RELN: variants seen among roughly 807,000 people sequenced by gnomAD.
The protein encoded by RELN is reelin.
In RELN, 108 loss-of-function variants were observed where a neutral mutation model predicts 427.6. The ratio of observed to expected loss-of-function variants is 0.25; its 90% CI spans 0.22 to 0.30. The LOEUF is 0.30. Ranked by LOEUF, RELN falls within the 10% of genes least tolerant of loss-of-function variation. The pLI, the probability that RELN is intolerant of heterozygous loss-of-function variation, is 1.00. For synonymous variants in RELN, 1,524 were observed against 1,513.4 expected (o/e 1.01, Z -0.16); for missense variants, 3,715 against 4,302.8 (o/e 0.86, Z 3.82).
chr7:103,714,747 G>A (rs1789895546), intron 8 of RELN, among the ~76,000 whole-genome samples: 1 of 152,136 alleles, frequency 6.6e-6, no homozygotes, highest in Admixed American at 6.5e-5. Context: ...ATGCTTTGTG[G>A]CAGCCCAGGA....
At chr7:103,479,747 A>G (rs1322509312) in intron 63 of RELN, among the ~76,000 whole-genome samples, 2 of 152,208 alleles carry the variant, frequency 1.3e-5, no homozygotes, top group Non-Finnish European at 2.9e-5. Flanking sequence ...CATTTAGGAT[A>G]CACTTTTAAA....
chr7:103,740,300 C>T (rs1426298581), intron 6 of RELN, among the ~76,000 whole-genome samples: 1 of 152,192 alleles, frequency 6.6e-6, no homozygotes, highest in Non-Finnish European at 1.5e-5. Flanking sequence ...AACTGCTACA[C>T]TTGTGTAAGC....
chr7:103,600,118 A>T (rs1208620065), intron 24 of RELN, among the ~76,000 whole-genome samples: 6 of 152,084 alleles, frequency 3.9e-5, no homozygotes, highest in Non-Finnish European at 7.4e-5. Context: ...GGATGCTCTT[A>T]AACTCCTAGC....
intron 3 of RELN, among the ~76,000 whole-genome samples, chr7:103,806,334 CT>C (rs940213641): frequency 2.0e-5 from 3 of 150,604 alleles, no homozygotes; most frequent in South Asian, 2.1e-4. Flanking sequence ...TTTCTTTTTT[CT>C]TTTTTTTTAG....
chr7:103,518,844 T>A lies in RELN; in HGVS notation c.7862+479A>T, dbSNP rs138335680. 4.6e-3 allele frequency among the ~76,000 whole-genome samples: 703 copies of A among 152,302 alleles called. 5 individuals carry two copies. Among genetic ancestry groups the A allele is most frequent in the Admixed American group, 0.019 (292 of 15,304 alleles). On this transcript the variant is annotated intron_variant, in intron 49 of 64. Coordinates refer to ENST00000428762, the MANE Select transcript of RELN (RefSeq NM_005045.4). ...GCTTTCGGCCCTTCAGTACTTTTTT[T>A]AAAATGACCCATACGTTGTGTTTAT...
intron 1 of RELN, among the ~76,000 whole-genome samples, chr7:103,925,022 ACACACACACACACACACG>A (rs1795700673): frequency 9.7e-6 from 1 of 102,644 alleles, no homozygotes; most frequent in African/African-American, 3.8e-5. Context: ...ACACACACAC[ACACACACACACACACACG>A]CTCACTCAGA....
chr7:103,865,151 A>G (rs1015109222), intron 2 of RELN, among the ~76,000 whole-genome samples: 2 of 149,690 alleles, frequency 1.3e-5, no homozygotes, highest in Admixed American at 6.6e-5. Context: ...AAAAAAAAAA[A>G]AAAAGAAAGA....
chr7:103,569,001 G>A lies in RELN; in HGVS notation c.4589-2242C>T, dbSNP rs1275239217. Among the ~76,000 whole-genome samples, 2 of 152,198 alleles carry A rather than the reference G, an allele frequency of 1.3e-5. No homozygotes were observed. The highest frequency in any genetic ancestry group is 6.5e-5 in the Admixed American group (1 of 15,278). On this transcript the variant is annotated intron_variant, in intron 31 of 64. Coordinates refer to ENST00000428762, the MANE Select transcript of RELN (RefSeq NM_005045.4). The surrounding 1 kb of genome is among the most constrained non-coding windows in gnomAD (Gnocchi z 4.0). ...GACACTCTTCCGTTCAAAAAGTGGA[G>A]CTTAATTCTTCCCCCTTTGAGTGTG...
chr7:103,817,981 T>G (rs187915120), intron 3 of RELN, among the ~76,000 whole-genome samples: 1 of 149,640 alleles, frequency 6.7e-6, no homozygotes, highest in Admixed American at 6.7e-5. Context: ...AAAAGTGAAT[T>G]TACATAATAT....
intron 2 of RELN, among the ~76,000 whole-genome samples, chr7:103,895,586 G>C (rs1794942474): frequency 6.6e-6 from 1 of 152,086 alleles, no homozygotes; most frequent in Non-Finnish European, 1.5e-5. Flanking sequence ...GTGTAAAGAT[G>C]ATGCTACATC....
chr7:103,502,409 C>A (rs1216134315), intron 52 of RELN, among the ~76,000 whole-genome samples: 1 of 152,180 alleles, frequency 6.6e-6, no homozygotes, highest in Non-Finnish European at 1.5e-5. Context: ...TTTTGTGTAT[C>A]TTTACTTTTA....
intron 7 of RELN, among the ~76,000 whole-genome samples, chr7:103,726,378 T>C (rs1458318212): frequency 6.6e-6 from 1 of 152,166 alleles, no homozygotes; most frequent in African/African-American, 2.4e-5. Context: ...AAAATACTTA[T>C]AATGGAAATA....
intron 28 of RELN, among the ~76,000 whole-genome samples, chr7:103,588,207 T>G (rs971194029): frequency 2.6e-5 from 4 of 152,172 alleles, no homozygotes; most frequent in Non-Finnish European, 4.4e-5. Context: ...AATGAAATCA[T>G]GTCATTTGCA....
chr7:103,708,743 T>C (rs1265898248), intron 8 of RELN, among the ~76,000 whole-genome samples: 2 of 152,214 alleles, frequency 1.3e-5, no homozygotes, highest in Non-Finnish European at 1.5e-5. Context: ...GATTACAGGG[T>C]ATGACTCTTA....
chr7:103,676,335 G>A (rs373791800), intron 11 of RELN, among the ~76,000 whole-genome samples: 8 of 152,042 alleles, frequency 5.3e-5, no homozygotes, highest in African/African-American at 1.4e-4. Flanking sequence ...CAAAACCACA[G>A]TGAGATACCA....
chr7:103,506,560 A>G (rs542786546), intron 51 of RELN, among the ~76,000 whole-genome samples: 1 of 152,334 alleles, frequency 6.6e-6, no homozygotes, highest in South Asian at 2.1e-4. Context: ...TCCTGAAGGA[A>G]GCACTAAACA....
Position 103,538,994 on chromosome 7 carries a change from G to C in RELN, c.7180+84C>G, listed in dbSNP as rs1202749941. 7 of 1,475,422 alleles carry C rather than the reference G, an allele frequency of 4.7e-6. No individual in the cohort carries two copies. The African/African-American group carries it at 9.7e-5, about 20-fold the overall frequency. The allele number at this position is 1,475,422 out of a possible 1,614,324, so 91.4% of individuals were successfully genotyped here. On this transcript the variant is annotated intron_variant, in intron 45 of 64. Transcript: ENST00000428762. The stretch of plus-strand genomic sequence containing the variant: ...GTGTTTTATTTACAGACCTATCAGA[G>C]AGGCAGAGTAGTCCTATGACAGAGG...
chr7:103,874,448 C>T (rs1384887560), intron 2 of RELN, among the ~76,000 whole-genome samples: 1 of 144,200 alleles, frequency 6.9e-6, no homozygotes, highest in African/African-American at 2.5e-5. Flanking sequence ...GATTGTATAT[C>T]TAGAAAACCC....
intron 2 of RELN, among the ~76,000 whole-genome samples, chr7:103,887,978 G>C (rs1197993536): frequency 6.6e-6 from 1 of 152,128 alleles, no homozygotes; most frequent in African/African-American, 2.4e-5. Context: ...TTGGTGACAT[G>C]GATCAACTGT....
Sources: allele counts gnomAD v4.1 joint callset (sites outside exome capture counted in the v4.1 genomes callset), GRCh38; gene constraint gnomAD v4.1.1; non-coding constraint Gnocchi (gnomAD v3.1); transcripts MANE v1.5; gene names NCBI Gene and HGNC (gene_info 2026-07-23, HGNC 2026-07-21).